Variants in CDH12 observed in about 807,000 individuals in gnomAD.
CDH12 encodes the protein cadherin 12.
In CDH12, 41 loss-of-function variants were observed where a neutral mutation model predicts 74.1. The observed-to-expected ratio is 0.55, with a 90% confidence interval of 0.43 to 0.72. CDH12 has a LOEUF of 0.72. Among genes scored for constraint, CDH12 ranks in the 30% least tolerant of loss-of-function variants. CDH12 has a pLI of 0.00. For missense variants in CDH12, 945 were observed against 977.2 expected, an observed-to-expected ratio of 0.97 and a Z score of 0.44; for synonymous variants, 399 against 355.0, an observed-to-expected ratio of 1.12 and a Z score of -1.39.
intron 3 of CDH12, among the ~76,000 whole-genome samples, chr5:22,370,676 C>T (rs1741249338): frequency 6.6e-6 from 1 of 152,010 alleles, no homozygotes; most frequent in African/African-American, 2.4e-5. Context: ...GTCAAGATTA[C>T]AGAATCAAAG....
intron 1 of CDH12, among the ~76,000 whole-genome samples, chr5:22,676,132 A>G (rs1741177241): frequency 6.6e-6 from 1 of 151,858 alleles, no homozygotes; most frequent in Admixed American, 6.6e-5. Context: ...TACATTCCTC[A>G]TCAGTACTAG....
intron 1 of CDH12, among the ~76,000 whole-genome samples, chr5:22,543,052 G>A (rs530442097): frequency 6.6e-6 from 1 of 152,236 alleles, no homozygotes; most frequent in Non-Finnish European, 1.5e-5. Context: ...AATAAAATCA[G>A]AGTCATGAGA....
chr5:22,380,552 C>T (rs1335276703), intron 3 of CDH12, among the ~76,000 whole-genome samples: 1 of 151,656 alleles, frequency 6.6e-6, no homozygotes, highest in African/African-American at 2.4e-5. Context: ...AAAAAAACTA[C>T]TATGTACTTT....
chr5:22,095,308 A>T (rs955997755), intron 4 of CDH12, among the ~76,000 whole-genome samples: 5 of 151,884 alleles, frequency 3.3e-5, no homozygotes, highest in African/African-American at 1.2e-4. Context: ...CCCTTCTCTT[A>T]ATTTCAATTC....
At chr5:22,490,520 A>G (rs1746816616) in intron 2 of CDH12, among the ~76,000 whole-genome samples, 1 of 151,998 alleles carries the variant, frequency 6.6e-6, no homozygotes, top group Non-Finnish European at 1.5e-5. Context: ...AATATCCCCC[A>G]TTCATAAGAA....
At chr5:21,925,036 G>C (rs908766713) in intron 6 of CDH12, among the ~76,000 whole-genome samples, 1 of 152,008 alleles carries the variant, frequency 6.6e-6, no homozygotes, top group Admixed American at 6.6e-5. Flanking sequence ...TGAAAACAAA[G>C]CACAAACAAC....
At chr5:21,761,742 TATAG>T (rs5866522) in intron 12 of CDH12, among the ~76,000 whole-genome samples, 2,644 of 147,428 alleles carry the variant, frequency 0.018, 45 homozygotes, top group African/African-American at 0.05. Flanking sequence ...GATGGATAGA[TATAG>T]ATAGATAGAT....
At chr5:22,117,515 A>ATC (rs1745237444) in intron 4 of CDH12, among the ~76,000 whole-genome samples, 1 of 91,680 alleles carries the variant, frequency 1.1e-5, no homozygotes, top group African/African-American at 4.9e-5. Flanking sequence ...TATATATAAT[A>ATC]TATATATAAT....
chr5:21,918,725 G>A (rs1754220387), intron 6 of CDH12, among the ~76,000 whole-genome samples: 2 of 152,198 alleles, frequency 1.3e-5, no homozygotes, highest in Admixed American at 6.5e-5. Flanking sequence ...TGGTGATTAT[G>A]GAGATTATAA....
chr5:22,054,811 A>T (rs1159594635), intron 5 of CDH12, among the ~76,000 whole-genome samples: 1 of 152,114 alleles, frequency 6.6e-6, no homozygotes, highest in Non-Finnish European at 1.5e-5. Flanking sequence ...GGAAAATCGT[A>T]TGTTAAAGCC....
chr5:21,967,769 G>A (rs931969260), intron 6 of CDH12, among the ~76,000 whole-genome samples: 5 of 152,042 alleles, frequency 3.3e-5, no homozygotes, highest in African/African-American at 7.2e-5. Flanking sequence ...TCAAACAGAC[G>A]AATAAAATGC....
intron 3 of CDH12, among the ~76,000 whole-genome samples, chr5:22,371,586 T>C (rs1013890056): frequency 6.6e-6 from 1 of 152,168 alleles, no homozygotes. Context: ...CTCTTATATA[T>C]AGTTAACTTG....
intron 3 of CDH12, among the ~76,000 whole-genome samples, chr5:22,322,972 C>A (rs979661675): frequency 1.3e-5 from 2 of 152,050 alleles, no homozygotes; most frequent in African/African-American, 4.8e-5. Context: ...AAAGTGCAAC[C>A]AATCTGTATA....
At chr5:22,087,541 T>C (rs1163113970) in intron 4 of CDH12, among the ~76,000 whole-genome samples, 2 of 152,100 alleles carry the variant, frequency 1.3e-5, no homozygotes, top group Non-Finnish European at 2.9e-5. Context: ...CTTGGGAGGC[T>C]GAGGCAGGAG....
At chr5:21,872,800 ATC>A (rs1358364091) in intron 6 of CDH12, among the ~76,000 whole-genome samples, 1 of 150,830 alleles carries the variant, frequency 6.6e-6, no homozygotes, top group African/African-American at 2.5e-5. Flanking sequence ...CTATCTATCT[ATC>A]TATCTATCTA....
At chr5:22,781,486 A>G (rs888482668) in intron 1 of CDH12, among the ~76,000 whole-genome samples, 1 of 151,876 alleles carries the variant, frequency 6.6e-6, no homozygotes, top group African/African-American at 2.4e-5. Context: ...AACAACCCCC[A>G]AGTCTCCTCC....
At chr5:22,328,523 G>C (rs1419866321) in intron 3 of CDH12, among the ~76,000 whole-genome samples, 1 of 152,090 alleles carries the variant, frequency 6.6e-6, no homozygotes, top group African/African-American at 2.4e-5. Context: ...ATTGATATGT[G>C]GCAACAACTT....
At chr5:21,960,371 T>C (rs1245336112) in intron 6 of CDH12, among the ~76,000 whole-genome samples, 1 of 152,140 alleles carries the variant, frequency 6.6e-6, no homozygotes, top group Non-Finnish European at 1.5e-5. Flanking sequence ...CTCTACTGAA[T>C]ACAAGGAACT....
chr5:21,957,675 G>T (rs1022338943), intron 6 of CDH12, among the ~76,000 whole-genome samples: 1 of 151,936 alleles, frequency 6.6e-6, no homozygotes, highest in Non-Finnish European at 1.5e-5. Context: ...GTGATATTGA[G>T]TTTGTTTTTT....
Sources: allele counts gnomAD v4.1 joint callset (sites outside exome capture counted in the v4.1 genomes callset), GRCh38; gene constraint gnomAD v4.1.1; transcripts MANE v1.5; gene names NCBI Gene and HGNC (gene_info 2026-07-23, HGNC 2026-07-21).